Variants in PIGN observed in about 807,000 individuals in gnomAD.
PIGN encodes phosphatidylinositol glycan anchor biosynthesis class N, also known as GPI ethanolamine phosphate transferase 1.
A neutral mutation model predicts 125.4 loss-of-function variants in PIGN; 117 were observed. The ratio of observed to expected loss-of-function variants is 0.93; its 90% CI spans 0.80 to 1.09. The LOEUF is 1.09. Among genes scored for constraint, PIGN ranks in the 50% least tolerant of loss-of-function variants. The pLI, the probability that PIGN is intolerant of heterozygous loss-of-function variation, is 0.00. For missense variants in PIGN, 1,075 were observed against 1,094.9 expected (o/e 0.98, Z 0.26); for synonymous variants, 392 against 377.8 (o/e 1.04, Z -0.44).
intron 23 of PIGN, among the ~76,000 whole-genome samples, chr18:62,028,148 G>A (rs2030148384): frequency 2.6e-5 from 4 of 152,130 alleles, no homozygotes; most frequent in African/African-American, 4.8e-5. Flanking sequence ...CTAGCTTCTC[G>A]TGACAATGAC....
In PIGN at chr18:62,105,482, A is replaced by G; in HGVS notation, c.1859+61T>C. The G allele has an allele frequency of 4.4e-6, 4 of 905,814 alleles. No homozygotes were observed. The South Asian group carries it at 4.6e-5, about 10-fold the overall frequency. 56.1% of individuals were successfully genotyped at this position (905,814 alleles called of 1,614,324 possible). On this transcript the variant is annotated intron_variant, in intron 20 of 30. Coordinates refer to ENST00000640252, the MANE Select transcript of PIGN (RefSeq NM_176787.5). ...GACCAAGATTAGGTTCAAATTTTAC[A>G]GTGTTAATTGAGGAAAAAAAAGTGT...
At chr18:62,030,318 C>T (rs2030178200) in intron 23 of PIGN, among the ~76,000 whole-genome samples, 1 of 152,172 alleles carries the variant, frequency 6.6e-6, no homozygotes, top group African/African-American at 2.4e-5. Context: ...ACACAGAGAT[C>T]CTGGGGGGAC....
At chr18:62,034,890 A>G (rs1043574811) in intron 23 of PIGN, among the ~76,000 whole-genome samples, 12 of 152,158 alleles carry the variant, frequency 7.9e-5, no homozygotes, top group African/African-American at 2.9e-4. Flanking sequence ...TGGTTTTGAA[A>G]TGTGAGGACA....
At position 62,109,965 on chromosome 18, in the gene PIGN, G is replaced by A. The variant is rs923756633; in HGVS notation, c.1443C>T (p.Ser481=). The change falls in exon 17 of 31, where the codon AGC becomes AGT. Residue 481 remains serine (S), a synonymous_variant. Coordinates refer to ENST00000640252, the MANE Select transcript of PIGN (RefSeq NM_176787.5). ...CTACAAAACTACAAGGCAGGAGATG[G>A]CTTGGTTTCTGAAAAATCAAACAAA... is the stretch of plus-strand genomic sequence containing the variant. ...KGVSKEVKKP[S]HLLPCSFVAI... is the part of the protein sequence containing the mutation. 6.8e-6 allele frequency: 11 copies of A among 1,613,222 alleles called. No individual in the cohort carries two copies. Among genetic ancestry groups the A allele is most frequent in the Middle Eastern group, 3.3e-4 (2 of 6,052 alleles).
intron 23 of PIGN, among the ~76,000 whole-genome samples, chr18:62,035,160 C>T (rs187866432): frequency 8.5e-5 from 13 of 152,280 alleles, no homozygotes; most frequent in African/African-American, 3.1e-4. Flanking sequence ...GCTCCTCATT[C>T]ACCTTCCACC....
At position 62,138,957 on chromosome 18, in the gene PIGN, C is replaced by A. The variant is rs2298779; in HGVS notation, c.1116+26G>T. On this transcript the variant is annotated intron_variant, in intron 13 of 30. Coordinates refer to ENST00000640252, the MANE Select transcript of PIGN (RefSeq NM_176787.5). ...AATTGTAGTATTGTCCATTTTTGTGCGTGCCTTTTTGAATTTTTTTTTTAC... is the reference window on the plus strand; with the variant it reads ...AATTGTAGTATTGTCCATTTTTGTGAGTGCCTTTTTGAATTTTTTTTTTAC... 15 of 1,218,970 alleles carry A rather than the reference C, an allele frequency of 1.2e-5. 1 individual carries two copies. The Middle Eastern group carries it at 2.5e-3, about 199-fold the overall frequency. The allele number at this position is 1,218,970 out of a possible 1,614,324, so 75.5% of individuals were successfully genotyped here. A position where few individuals can be genotyped will look rare whatever the true frequency, so the allele number is the denominator to read the frequency against.
chr18:62,146,989 G>T lies in PIGN; in HGVS notation c.787C>A (p.His263Asn), dbSNP rs376934090. Residue 263 changes from histidine (H) to asparagine (N), a missense_variant, in exon 9 of 31, where the codon CAT (histidine) becomes AAT (asparagine). Coordinates refer to ENST00000640252, the MANE Select transcript of PIGN (RefSeq NM_176787.5). ...CACTAACCCCAGTCTGTCATTCCATGGTCAGAGGTAAAGATAAATGTTGTT... is the reference window on the plus strand; with the variant it reads ...CACTAACCCCAGTCTGTCATTCCATTGTCAGAGGTAAAGATAAATGTTGTT... ...GKTTFIFTSD[H>N]GMTDWGSHGA... 29 of 1,611,930 alleles carry T rather than the reference G, an allele frequency of 1.8e-5. No individual in the cohort carries two copies. Among genetic ancestry groups the T allele is most frequent in the Non-Finnish European group, 2.4e-5 (28 of 1,178,560 alleles).
In PIGN at chr18:62,106,399, G is replaced by A. The variant is rs537114558; in HGVS notation, c.1767+390C>T. On this transcript the variant is annotated intron_variant, in intron 19 of 30. Transcript: ENST00000640252. ...TATCCAGAAAAAAAAAAAACTGAGT[G>A]GCTCAGGGTAACGAGGGAGGTGTTT... 1.2e-3 allele frequency among the ~76,000 whole-genome samples: 180 copies of A among 151,282 alleles called. 2 individuals are homozygous for A. The highest frequency in any genetic ancestry group is 4.1e-3 in the African/African-American group (170 of 41,428).
chr18:62,151,602 A>G (rs1383717847), intron 7 of PIGN, among the ~76,000 whole-genome samples: 1 of 152,182 alleles, frequency 6.6e-6, no homozygotes, highest in African/African-American at 2.4e-5. Flanking sequence ...GCCAGCCTAT[A>G]AAGTCCTAGG....
chr18:62,119,773 G>A (rs2035227443), intron 14 of PIGN, among the ~76,000 whole-genome samples: 1 of 151,202 alleles, frequency 6.6e-6, no homozygotes, highest in Non-Finnish European at 1.5e-5. Context: ...GAACCTGAGA[G>A]GCAGAGGTTG....
At position 62,064,807 on chromosome 18, in the gene PIGN, T is replaced by C. The variant is rs190480616; in HGVS notation, c.2672+7866A>G. Among the ~76,000 whole-genome samples the C allele has an allele frequency of 6.6e-3, 1,004 of 152,344 alleles. 4 individuals carry two copies. Among genetic ancestry groups the C allele is most frequent in the South Asian group, 0.014 (66 of 4,822 alleles). ...TTTCCCAGGTTTGGGTAGAAGTTTTTCTGTGGCAAAACAATACAATCCCCC... is the reference window on the plus strand; with the variant it reads ...TTTCCCAGGTTTGGGTAGAAGTTTTCCTGTGGCAAAACAATACAATCCCCC... On this transcript the variant is annotated intron_variant, in intron 30 of 30. Transcript: ENST00000640252.
At chr18:62,148,400 G>T (rs978697632) in intron 7 of PIGN, 62 bp from the exon 8 acceptor site, 2 of 1,125,240 alleles carry the variant, frequency 1.8e-6, no homozygotes, top group Non-Finnish European at 2.5e-6. Context: ...AAATAATACT[G>T]ATGAAAACAT....
intron 30 of PIGN, chr18:62,069,375 C>T (rs982438614): frequency 2.6e-5 from 4 of 152,216 alleles, no homozygotes; most frequent in African/African-American, 9.7e-5. Context: ...CTCATCAAAA[C>T]AGTCTCACTC....
At chr18:62,027,260 A>C (rs920701564) in intron 23 of PIGN, among the ~76,000 whole-genome samples, 6 of 152,174 alleles carry the variant, frequency 3.9e-5, no homozygotes, top group Non-Finnish European at 7.3e-5. Context: ...CCAGGAGTTC[A>C]AGACCAACCT....
rs1211945629 is a variant in PIGN, at chr18:62,095,859, A to C, written c.2169T>G (p.Leu723=). 6.2e-7 allele frequency: 1 copy of C among 1,600,926 alleles called. No individual in the cohort carries two copies. Among genetic ancestry groups the C allele is most frequent in the East Asian group, 2.2e-5 (1 of 44,770 alleles). The part of the protein sequence containing the change: ...ILLSLMSTYL[L]LSTGYEALFP... Reference sequence around the variant, plus strand: ...TAAAAAGTTTATACCCTGTGCTTAGAAGTAGGTAGGTTGACATCAATGAAA... The same window carrying C: ...TAAAAAGTTTATACCCTGTGCTTAGCAGTAGGTAGGTTGACATCAATGAAA... The change falls in exon 23 of 31, where the codon CTT becomes CTG. Residue 723 remains leucine, a synonymous_variant. Coordinates refer to ENST00000640252, the MANE Select transcript of PIGN (RefSeq NM_176787.5).
chr18:62,138,594 A>G (rs1381292443), intron 13 of PIGN, among the ~76,000 whole-genome samples: 1 of 152,212 alleles, frequency 6.6e-6, no homozygotes, highest in Non-Finnish European at 1.5e-5. Flanking sequence ...AAAAGCATTA[A>G]GAATAACAGA....
In PIGN at chr18:62,042,897, G is replaced by C. The variant is rs929021151; in HGVS notation, c.*2959C>G. ...CCACTGCATTCTAGCCTGAACAAGAGTGAGACCCTGTCTCAAAACAAAAAC... is the reference window on the plus strand; with the variant it reads ...CCACTGCATTCTAGCCTGAACAAGACTGAGACCCTGTCTCAAAACAAAAAC... On this transcript the variant is annotated 3_prime_UTR_variant, in exon 31 of 31. Transcript: ENST00000640252. 6 of 148,430 alleles carry C rather than the reference G, an allele frequency of 4.0e-5. No homozygotes were observed. Among genetic ancestry groups the C allele is most frequent in the African/African-American group, 1.5e-4 (6 of 40,224 alleles). 9.2% of individuals were successfully genotyped at this position (148,430 alleles called of 1,614,324 possible).
chr18:62,145,152 G>A (rs183571734), intron 10 of PIGN, among the ~76,000 whole-genome samples: 10 of 152,194 alleles, frequency 6.6e-5, no homozygotes, highest in Admixed American at 6.5e-4. Flanking sequence ...GTTAAGTTCT[G>A]AGAAAGCAGG....
chr18:62,172,765 T>C (rs932660765), intron 1 of PIGN, among the ~76,000 whole-genome samples: 1 of 152,182 alleles, frequency 6.6e-6, no homozygotes, highest in Non-Finnish European at 1.5e-5. Flanking sequence ...TTTACTGAAG[T>C]AACAAAACAT....
Sources: allele counts gnomAD v4.1 joint callset (sites outside exome capture counted in the v4.1 genomes callset), GRCh38; gene constraint gnomAD v4.1.1; transcripts MANE v1.5; gene names NCBI Gene and HGNC (gene_info 2026-07-23, HGNC 2026-07-21).